Variants in KAZN observed in about 807,000 individuals in gnomAD.
The protein encoded by KAZN is kazrin, periplakin interacting protein.
In KAZN, 40 loss-of-function variants were observed where a neutral mutation model predicts 87.4. The ratio of observed to expected loss-of-function variants is 0.46; its 90% CI spans 0.36 to 0.60. The LOEUF is 0.60. Among genes scored for constraint, KAZN ranks in the 20% least tolerant of loss-of-function variants. The pLI is 0.00. For synonymous variants in KAZN, 466 were observed against 458.3 expected, an observed-to-expected ratio of 1.02 and a Z score of -0.22; for missense variants, 898 against 1,073.9, an observed-to-expected ratio of 0.84 and a Z score of 2.29.
chr1:14,531,301 T>C (rs746458244), intron 2 of KAZN, among the ~76,000 whole-genome samples: 16 of 152,150 alleles, frequency 1.1e-4, no homozygotes, highest in Non-Finnish European at 1.9e-4. Flanking sequence ...AAAACAGTCA[T>C]AGAATGCCCT....
intron 2 of KAZN, among the ~76,000 whole-genome samples, chr1:14,472,804 G>C (rs1177916424): frequency 6.6e-6 from 1 of 152,022 alleles, no homozygotes; most frequent in Admixed American, 6.6e-5. Context: ...TTGTGTTTTT[G>C]TTTTTGTTTT....
chr1:14,801,107 A>AT, intron 1 of KAZN, among the ~76,000 whole-genome samples: 1 of 151,042 alleles, frequency 6.6e-6, no homozygotes, highest in East Asian at 1.9e-4. Flanking sequence ...GAGGGTGGTG[A>AT]TAAGAGGAGC....
intron 1 of KAZN, among the ~76,000 whole-genome samples, chr1:14,176,798 G>A (rs989306132): frequency 9.2e-5 from 14 of 152,038 alleles, no homozygotes; most frequent in Non-Finnish European, 1.6e-4. Flanking sequence ...GGGATTAATC[G>A]AGGATTTACG....
intron 2 of KAZN, among the ~76,000 whole-genome samples, chr1:14,563,779 G>A (rs1329818533): frequency 6.6e-6 from 1 of 151,362 alleles, no homozygotes; most frequent in Non-Finnish European, 1.5e-5. Context: ...CTTCCCAAAT[G>A]GTCTCCTTGT....
chr1:14,358,365 A>C (rs2100970589), intron 2 of KAZN, among the ~76,000 whole-genome samples: 1 of 151,650 alleles, frequency 6.6e-6, no homozygotes, highest in East Asian at 1.9e-4. Flanking sequence ...CTTTTAAAAA[A>C]AAAAACCAGC....
At chr1:15,035,551 A>G (rs1306128897) in intron 3 of KAZN, among the ~76,000 whole-genome samples, 1 of 152,154 alleles carries the variant, frequency 6.6e-6, no homozygotes, top group Non-Finnish European at 1.5e-5. Context: ...AAACTTAAAG[A>G]AGAGTCAGTC....
At chr1:14,444,121 C>G (rs1055768387) in intron 2 of KAZN, among the ~76,000 whole-genome samples, 1 of 152,074 alleles carries the variant, frequency 6.6e-6, no homozygotes, top group African/African-American at 2.4e-5. Flanking sequence ...AGTATGGGTT[C>G]AGACACAGAG....
chr1:14,530,891 G>A (rs1672171644), intron 2 of KAZN, among the ~76,000 whole-genome samples: 1 of 152,048 alleles, frequency 6.6e-6, no homozygotes, highest in East Asian at 1.9e-4. Context: ...TTGAGACTTG[G>A]GCAACATGGC....
intron 2 of KAZN, among the ~76,000 whole-genome samples, chr1:14,964,952 T>A (rs1193414151): frequency 6.6e-6 from 1 of 152,214 alleles, no homozygotes; most frequent in Non-Finnish European, 1.5e-5. Flanking sequence ...AGTGTGGGAA[T>A]ATTTGGTTTT....
At chr1:14,890,007 G>T (rs1189567450) in intron 1 of KAZN, among the ~76,000 whole-genome samples, 1 of 152,202 alleles carries the variant, frequency 6.6e-6, no homozygotes, top group East Asian at 1.9e-4. Context: ...GTTACAATGG[G>T]CTTTTTATGT....
At chr1:14,154,211 T>C (rs78872358) in intron 1 of KAZN, among the ~76,000 whole-genome samples, 2,561 of 152,288 alleles carry the variant, frequency 0.017, 39 homozygotes, top group Non-Finnish European at 0.023. Flanking sequence ...TCCAGAGATA[T>C]TTCACTTTTT....
intron 1 of KAZN, among the ~76,000 whole-genome samples, chr1:14,079,454 A>G (rs566406118): frequency 6.6e-6 from 1 of 152,238 alleles, no homozygotes; most frequent in South Asian, 2.1e-4. Context: ...AAAAAATCAG[A>G]CTCATCAAAT....
At chr1:14,621,106 C>T (rs971691530) in intron 1 of KAZN, among the ~76,000 whole-genome samples, 3 of 152,150 alleles carry the variant, frequency 2.0e-5, no homozygotes, top group Admixed American at 6.5e-5. Context: ...AGTGAAAAGA[C>T]AGTTGCTGGA....
At chr1:14,208,428 G>A (rs750163866) in intron 2 of KAZN, among the ~76,000 whole-genome samples, 7 of 152,114 alleles carry the variant, frequency 4.6e-5, no homozygotes, top group South Asian at 2.1e-4. Context: ...TCGTTGACTC[G>A]TTCACTTATT....
intron 1 of KAZN, among the ~76,000 whole-genome samples, chr1:14,003,397 G>A (rs569095511): frequency 6.6e-6 from 1 of 150,960 alleles, no homozygotes; most frequent in South Asian, 2.1e-4. Context: ...AAGATGCTAG[G>A]ACTTGTCAAG....
chr1:14,126,402 A>C (rs1405164389), intron 1 of KAZN, among the ~76,000 whole-genome samples: 1 of 148,556 alleles, frequency 6.7e-6, no homozygotes, highest in South Asian at 2.2e-4. Flanking sequence ...TTTAAGACGA[A>C]GAAACGGAAG....
chr1:13,896,993 G>GAA (rs1639068930), intron 1 of KAZN, among the ~76,000 whole-genome samples: 1 of 152,134 alleles, frequency 6.6e-6, no homozygotes, highest in Non-Finnish European at 1.5e-5. Flanking sequence ...GGTCTGGTGG[G>GAA]GCCATGGGAA....
At chr1:14,180,573 A>T in exon 2 of KAZN, 1 of 1,549,934 alleles carries the variant, frequency 6.5e-7, no homozygotes, top group Non-Finnish European at 8.7e-7. Context: ...TTGATGAGGC[A>T]CCTCTTAATG....
At chr1:14,417,299 A>G (rs922648973) in intron 2 of KAZN, among the ~76,000 whole-genome samples, 1 of 152,222 alleles carries the variant, frequency 6.6e-6, no homozygotes, top group Non-Finnish European at 1.5e-5. Context: ...TTAAAACGCT[A>G]AATCCATTGC....
Sources: gnomAD v4.1 joint callset for allele counts (sites outside exome capture counted in the v4.1 genomes callset) on GRCh38, gnomAD v4.1.1 for gene constraint, MANE v1.5 for transcripts, NCBI Gene and HGNC (gene_info 2026-07-23, HGNC 2026-07-21) for gene names.